CFAP44: variants seen among roughly 807,000 people sequenced by gnomAD.
CFAP44 encodes the protein cilia and flagella associated protein 44.
In CFAP44, 134 loss-of-function variants were observed where a neutral mutation model predicts 216.2. The ratio of observed to expected loss-of-function variants is 0.62; its 90% confidence interval spans 0.54 to 0.72. The LOEUF (loss-of-function observed/expected upper bound fraction) is 0.72. CFAP44 is among the 30% of genes least tolerant of loss of function. CFAP44 has a pLI of 0.00. For synonymous variants in CFAP44, 700 were observed against 727.6 expected (o/e 0.96, Z 0.61); for missense variants, 2,035 against 2,182.1 (o/e 0.93, Z 1.34).
intron 4 of CFAP44, among the ~76,000 whole-genome samples, 187 bp from the exon 5 acceptor site, chr3:113,420,366 A>C (rs533656871): frequency 3.3e-5 from 5 of 151,974 alleles, no homozygotes; most frequent in Non-Finnish European, 5.9e-5. Flanking sequence ...ATTAGGTGAG[A>C]AAAAAAAGGC....
intron 32 of CFAP44, among the ~76,000 whole-genome samples, chr3:113,301,141 A>G (rs1313412443): frequency 6.6e-6 from 1 of 152,034 alleles, no homozygotes; most frequent in East Asian, 1.9e-4. Flanking sequence ...TAGTAGAATC[A>G]TATGATATAT....
Position 113,396,848 on chromosome 3 carries a change from A to T in CFAP44, c.1570-121T>A, listed in dbSNP as rs1042908266. 4 of 970,486 alleles carry T rather than the reference A, an allele frequency of 4.1e-6. No homozygotes were observed. The African/African-American group carries it at 5.0e-5, about 12-fold the overall frequency. 60.1% of individuals were successfully genotyped at this position (970,486 alleles called of 1,614,324 possible). ...ATTGGCTGCCCATTGGCAATTCTTT[A>T]TATCACTTTCTGGTAACCTCTATCC... is the stretch of plus-strand genomic sequence containing the variant. On this transcript the variant is annotated intron_variant, in intron 13 of 34. Coordinates refer to ENST00000393845, the MANE Select transcript of CFAP44 (RefSeq NM_001164496.2).
chr3:113,359,514 GT>G (rs1362092777), intron 21 of CFAP44, among the ~76,000 whole-genome samples: 1 of 152,076 alleles, frequency 6.6e-6, no homozygotes, highest in African/African-American at 2.4e-5. Context: ...TGCCTCAGTT[GT>G]TTTTTATCTT....
chr3:113,438,757 A>G (rs866048586), intron 1 of CFAP44, among the ~76,000 whole-genome samples: 2 of 152,164 alleles, frequency 1.3e-5, no homozygotes, highest in South Asian at 4.1e-4. Flanking sequence ...GAGAACACAC[A>G]GAACAAGTTT....
chr3:113,327,180 G>T (rs918379206), intron 27 of CFAP44, among the ~76,000 whole-genome samples: 11 of 151,996 alleles, frequency 7.2e-5, no homozygotes, highest in African/African-American at 2.7e-4. Context: ...CATTTCTTAT[G>T]ATATTCAATC....
intron 12 of CFAP44, 142 bp from the exon 13 acceptor site, chr3:113,400,142 G>T (rs1934103651): frequency 3.8e-6 from 2 of 529,106 alleles, no homozygotes; most frequent in South Asian, 8.2e-5. Flanking sequence ...AAAATTTCAG[G>T]TACAACCTCA....
intron 19 of CFAP44, among the ~76,000 whole-genome samples, chr3:113,364,883 C>A (rs1207296983): frequency 6.6e-6 from 1 of 151,950 alleles, no homozygotes; most frequent in African/African-American, 2.4e-5. Context: ...AAGGTAAGAA[C>A]CTCAGACCAG....
rs1163232278 is a variant in CFAP44, at chr3:113,330,430, T to C, written c.3854A>G (p.Lys1285Arg). ...TLLNFKQQQM[K>R]SKDEKSPGVE... is the part of the protein sequence containing the mutation. ...TCCGGGGGACTTTTCATCTTTACTT[T>C]TCATTTGCTGTTGCTTAAAATTTAG... The change falls in exon 26 of 35, where the codon AAA (lysine) becomes AGA (arginine). Residue 1285 changes from lysine (K) to arginine (R), a missense_variant. Transcript: ENST00000393845. The C allele has an allele frequency of 1.3e-6, 2 of 1,537,350 alleles. No homozygotes were observed. The highest frequency in any genetic ancestry group is 2.4e-5 in the South Asian group (2 of 84,052).
chr3:113,308,139 G>A lies in CFAP44; in HGVS notation c.4627+19C>T, dbSNP rs935993228. On this transcript the variant is annotated intron_variant, in intron 29 of 34. Coordinates refer to ENST00000393845, the MANE Select transcript of CFAP44 (RefSeq NM_001164496.2). ...AATATTCACACTTCACAGAGAACACGTGGTTTTATCTAACTTACTTGTTGG... is the reference window on the plus strand; with the variant it reads ...AATATTCACACTTCACAGAGAACACATGGTTTTATCTAACTTACTTGTTGG... The A allele has an allele frequency of 6.4e-5, 97 of 1,514,902 alleles. No homozygotes were observed. In the Admixed American group the frequency reaches 1.5e-3, roughly 24 times the overall value. The allele number at this position is 1,514,902 out of a possible 1,614,324, so 93.8% of individuals were successfully genotyped here.
chr3:113,434,190 C>G (rs1294544099), intron 1 of CFAP44, among the ~76,000 whole-genome samples: 1 of 152,012 alleles, frequency 6.6e-6, no homozygotes, highest in East Asian at 1.9e-4. Flanking sequence ...ATTAAACAAG[C>G]AATTAAAAAT....
At chr3:113,413,785 A>G (rs1934563507) in intron 6 of CFAP44, among the ~76,000 whole-genome samples, 1 of 152,202 alleles carries the variant, frequency 6.6e-6, no homozygotes, top group African/African-American at 2.4e-5. Flanking sequence ...GTTTGAAGTC[A>G]GGTAGTGTGA....
chr3:113,424,626 G>C (rs1934910525), intron 4 of CFAP44, among the ~76,000 whole-genome samples: 1 of 152,094 alleles, frequency 6.6e-6, no homozygotes, highest in South Asian at 2.1e-4. Flanking sequence ...AAATCTAATG[G>C]GGGCCATCCC....
chr3:113,383,954 T>G (rs112792360), intron 15 of CFAP44, among the ~76,000 whole-genome samples: 1 of 150,936 alleles, frequency 6.6e-6, no homozygotes, highest in African/African-American at 2.4e-5. Context: ...CCTGTGTCCA[T>G]GTGTTCTCAT....
intron 22 of CFAP44, among the ~76,000 whole-genome samples, chr3:113,357,257 G>C (rs1950500312): frequency 6.6e-6 from 1 of 152,112 alleles, no homozygotes; most frequent in Non-Finnish European, 1.5e-5. Flanking sequence ...GCTATGTTGA[G>C]GCCCTAACCC....
intron 15 of CFAP44, among the ~76,000 whole-genome samples, chr3:113,382,928 G>C (rs1933551878): frequency 6.6e-6 from 1 of 152,218 alleles, no homozygotes; most frequent in African/African-American, 2.4e-5. Flanking sequence ...GTGTGAAAGA[G>C]GGAGTTGATA....
At chr3:113,353,911 A>G (rs1164977747) in intron 22 of CFAP44, among the ~76,000 whole-genome samples, 1 of 152,182 alleles carries the variant, frequency 6.6e-6, no homozygotes, top group Non-Finnish European at 1.5e-5. Context: ...AGGAACAGAC[A>G]GAATAATCCA....
In CFAP44 at chr3:113,433,283, G is replaced by A. The variant is rs530366335; in HGVS notation, c.100+282C>T. Reference sequence around the variant, plus strand: ...ATCTCTACTAAAAATACAAAAATTGGCTGGGTGTGGTAGCAGGCACCTGTA... The same window carrying A: ...ATCTCTACTAAAAATACAAAAATTGACTGGGTGTGGTAGCAGGCACCTGTA... On this transcript the variant is annotated intron_variant, in intron 2 of 34. Transcript: ENST00000393845. Among the ~76,000 whole-genome samples the A allele has an allele frequency of 2.8e-4, 43 of 151,648 alleles. No individual in the cohort carries two copies. In the South Asian group the frequency reaches 5.0e-3, roughly 18 times the overall value.
intron 6 of CFAP44, among the ~76,000 whole-genome samples, chr3:113,413,854 A>G (rs1934565642): frequency 4.6e-5 from 7 of 152,106 alleles, no homozygotes; most frequent in Admixed American, 4.6e-4. Context: ...GTCTTCTTTG[A>G]TTCCACGTGA....
At chr3:113,368,179 C>T (rs554121973) in intron 18 of CFAP44, among the ~76,000 whole-genome samples, 29 of 152,240 alleles carry the variant, frequency 1.9e-4, no homozygotes, top group African/African-American at 6.3e-4. Context: ...GGATATCATC[C>T]AGGAGAACTT....
Sources: gnomAD v4.1 joint callset for allele counts (sites outside exome capture counted in the v4.1 genomes callset) on GRCh38, gnomAD v4.1.1 for gene constraint, MANE v1.5 for transcripts, NCBI Gene and HGNC (gene_info 2026-07-23, HGNC 2026-07-21) for gene names.